Variants in CSMD2 observed in about 807,000 individuals in gnomAD.
CSMD2 encodes the protein CUB and sushi domain-containing protein 2.
A neutral mutation model predicts 398.5 loss-of-function variants in CSMD2; 130 were observed. The observed-to-expected ratio is 0.33, with a 90% confidence interval of 0.28 to 0.38. The LOEUF is 0.38. CSMD2 is among the 10% of genes least tolerant of loss of function. The probability of loss-of-function intolerance (pLI) is 1.00; values close to 1 mark genes in which losing one functional copy is unlikely to be tolerated. For missense variants in CSMD2, 3,829 were observed against 4,764.9 expected, an observed-to-expected ratio of 0.80 and a Z score of 5.78; for synonymous variants, 1,828 against 1,908.5, an observed-to-expected ratio of 0.96 and a Z score of 1.10.
chr1:33,651,433 A>G (rs571946128), intron 28 of CSMD2, among the ~76,000 whole-genome samples: 8 of 152,326 alleles, frequency 5.3e-5, no homozygotes, highest in African/African-American at 1.7e-4. Context: ...GATGCCCAAC[A>G]TCTGGATAGC....
chr1:33,541,878 G>T (rs1656378220), intron 58 of CSMD2, among the ~76,000 whole-genome samples: 1 of 152,084 alleles, frequency 6.6e-6, no homozygotes, highest in Admixed American at 6.5e-5. Flanking sequence ...TCTGCTGAGG[G>T]GTACATCTTA....
chr1:33,850,397 G>A (rs925626708), intron 5 of CSMD2, among the ~76,000 whole-genome samples: 8 of 152,222 alleles, frequency 5.3e-5, no homozygotes, highest in African/African-American at 1.7e-4. Context: ...TGGTCACACA[G>A]CTATTAAGTG....
chr1:34,077,945 A>C (rs76210575), intron 2 of CSMD2, among the ~76,000 whole-genome samples: 3 of 152,166 alleles, frequency 2.0e-5, no homozygotes, highest in African/African-American at 7.2e-5. Context: ...AAATAAAATA[A>C]TTTTTTAAAA....
chr1:33,598,667 T>G (rs983237098), intron 44 of CSMD2: 11 of 40,328 alleles, frequency 2.7e-4, no homozygotes, highest in South Asian at 1.1e-3. Context: ...TTTCCTGTGT[T>G]TTTTTTTTTT....
chr1:33,768,986 C>A (rs1280802858), intron 13 of CSMD2, among the ~76,000 whole-genome samples: 2 of 152,170 alleles, frequency 1.3e-5, no homozygotes, highest in Non-Finnish European at 2.9e-5. Context: ...CTGGTGAAGG[C>A]TGTTTTGAAG....
chr1:33,715,372 C>A (rs1012078617), intron 20 of CSMD2, among the ~76,000 whole-genome samples: 1 of 152,236 alleles, frequency 6.6e-6, no homozygotes, highest in Non-Finnish European at 1.5e-5. Flanking sequence ...TGACCAGGGG[C>A]ATTTATGGGC....
At chr1:34,001,304 TTC>T (rs1410153764) in intron 3 of CSMD2, among the ~76,000 whole-genome samples, 1 of 152,142 alleles carries the variant, frequency 6.6e-6, no homozygotes, top group Non-Finnish European at 1.5e-5. Context: ...AAAGTTGAAT[TTC>T]AAGATCAAAA....
rs1656465850 is a variant in CSMD2 at position 34,077,070 on chromosome 1, A to T, written c.404+11907T>A. Among the ~76,000 whole-genome samples, 3 of 150,718 alleles carry T rather than the reference A, an allele frequency of 2.0e-5. No individual in the cohort carries two copies. In the South Asian group the frequency reaches 6.3e-4, roughly 32 times the overall value. ...AAGCAGCTGGAGAAAGGTGAGGTTA[A>T]AGGGGGCTAGGATTGGGGTAGGGAG... On this transcript the variant is annotated intron_variant, in intron 2 of 70. Coordinates refer to ENST00000373381, the MANE Select transcript of CSMD2 (RefSeq NM_001281956.2).
intron 51 of CSMD2, 106 bp from the exon 52 acceptor site, chr1:33,569,653 C>A (rs1170191043): frequency 7.8e-6 from 9 of 1,155,664 alleles, no homozygotes; most frequent in Non-Finnish European, 1.1e-5. Flanking sequence ...TAACCTTACT[C>A]TGCTGGAATT....
At chr1:33,901,446 C>T (rs1358582791) in intron 5 of CSMD2, among the ~76,000 whole-genome samples, 1 of 152,232 alleles carries the variant, frequency 6.6e-6, no homozygotes, top group East Asian at 1.9e-4. Context: ...CAAGTCCATG[C>T]TCTGAAAGAG....
intron 4 of CSMD2, among the ~76,000 whole-genome samples, chr1:33,935,282 G>A (rs184362756): frequency 6.6e-6 from 1 of 152,194 alleles, no homozygotes; most frequent in African/African-American, 2.4e-5. Flanking sequence ...GGAGGGGGTT[G>A]TTGGAGTAAA....
intron 3 of CSMD2, among the ~76,000 whole-genome samples, chr1:34,029,377 G>A (rs1402672747): frequency 1.3e-5 from 2 of 152,182 alleles, no homozygotes; most frequent in East Asian, 3.9e-4. Context: ...GTCACCCAGT[G>A]AGTCAGGTAC....
intron 32 of CSMD2, among the ~76,000 whole-genome samples, chr1:33,627,081 T>A (rs1642172760): frequency 6.6e-6 from 1 of 152,178 alleles, no homozygotes; most frequent in Admixed American, 6.5e-5. Context: ...TCTCCCACCA[T>A]CCTGTGAAAT....
intron 1 of CSMD2, among the ~76,000 whole-genome samples, chr1:34,108,521 G>T (rs951918996): frequency 2.0e-5 from 3 of 152,144 alleles, no homozygotes; most frequent in African/African-American, 7.2e-5. Flanking sequence ...TCCATGGTCC[G>T]GAACCGTAAA....
chr1:34,031,210 G>A (rs1439406882), intron 3 of CSMD2, among the ~76,000 whole-genome samples: 1 of 151,674 alleles, frequency 6.6e-6, no homozygotes, highest in Non-Finnish European at 1.5e-5. Context: ...TTACAGGTGT[G>A]TAACACCATG....
chr1:33,561,055 T>C (rs1283567437), intron 53 of CSMD2, among the ~76,000 whole-genome samples: 1 of 152,222 alleles, frequency 6.6e-6, no homozygotes, highest in Non-Finnish European at 1.5e-5. Context: ...TTAGGAACTA[T>C]AAGGGATGTT....
At chr1:33,812,346 T>C (rs1656958911) in intron 9 of CSMD2, among the ~76,000 whole-genome samples, 1 of 152,222 alleles carries the variant, frequency 6.6e-6, no homozygotes, top group Admixed American at 6.5e-5. Context: ...CATCACCTCC[T>C]GGGAGGAGAT....
In CSMD2 at chr1:34,147,788, C is replaced by A. The variant is rs77473173; in HGVS notation, c.187+17123G>T. Among the ~76,000 whole-genome samples the A allele has an allele frequency of 9.1e-3, 1,379 of 152,218 alleles. 15 individuals are homozygous for A. The highest frequency in any genetic ancestry group is 0.03 in the African/African-American group (1,266 of 41,520). On this transcript the variant is annotated intron_variant, in intron 1 of 70. Transcript: ENST00000373381. ...GCCAATTATGGCAGTGACGTCCCTG[C>A]GTAACACAGGGTATGGTGTCCTCAG...
At chr1:33,694,765 G>A (rs1286861698) in intron 24 of CSMD2, among the ~76,000 whole-genome samples, 2 of 152,138 alleles carry the variant, frequency 1.3e-5, no homozygotes, top group Non-Finnish European at 2.9e-5. Context: ...TTGTACACTG[G>A]TAAATAAAAA....
Sources: gnomAD v4.1 joint callset for allele counts (sites outside exome capture counted in the v4.1 genomes callset) on GRCh38, gnomAD v4.1.1 for gene constraint, MANE v1.5 for transcripts, NCBI Gene and HGNC (gene_info 2026-07-23, HGNC 2026-07-21) for gene names.